Variants in PPP2R2B observed in about 807,000 individuals in gnomAD.
PPP2R2B encodes the protein serine/threonine-protein phosphatase 2A 55 kDa regulatory subunit B beta isoform.
A neutral mutation model predicts 46.0 loss-of-function variants in PPP2R2B; 5 were observed. The observed-to-expected ratio is 0.11, with a 90% CI of 0.06 to 0.23. The LOEUF is 0.23. PPP2R2B is among the 10% of genes least tolerant of loss of function. The pLI is 1.00. For synonymous variants in PPP2R2B, 215 were observed against 206.7 expected, an observed-to-expected ratio of 1.04 and a Z score of -0.34; for missense variants, 367 against 575.0, an observed-to-expected ratio of 0.64 and a Z score of 3.70.
At chr5:146,734,584 C>T (rs1294268977) in intron 2 of PPP2R2B, among the ~76,000 whole-genome samples, 3 of 152,110 alleles carry the variant, frequency 2.0e-5, no homozygotes, top group Non-Finnish European at 4.4e-5. Flanking sequence ...AGTTTTGGTA[C>T]CAGTATTACC....
intron 2 of PPP2R2B, among the ~76,000 whole-genome samples, chr5:146,728,125 A>G (rs1050499386): frequency 4.2e-5 from 6 of 144,328 alleles, no homozygotes; most frequent in Non-Finnish European, 9.0e-5. Context: ...TATGATGGCT[A>G]GGGAAACACT....
chr5:147,049,758 G>A (rs1580855996), intron 1 of PPP2R2B, among the ~76,000 whole-genome samples: 1 of 152,212 alleles, frequency 6.6e-6, no homozygotes, highest in African/African-American at 2.4e-5. Flanking sequence ...GCAGTGGGAA[G>A]AGGCCTGCAA....
Position 146,706,792 on chromosome 5 carries a change from C to T in PPP2R2B, c.71-5650G>A, listed in dbSNP as rs1352407087. 4.8e-6 allele frequency: 4 copies of T among 842,006 alleles called. No individual in the cohort carries two copies. The Admixed American group carries it at 5.1e-5, about 11-fold the overall frequency. The allele number at this position is 842,006 out of a possible 1,614,324, so 52.2% of individuals were successfully genotyped here. On this transcript the variant is annotated intron_variant, in intron 2 of 9. Coordinates refer to ENST00000394411, the MANE Select transcript of PPP2R2B (RefSeq NM_181675.4). Reference sequence around the variant, plus strand: ...TCTGATACATGCTCTCGGCCTCAGCCCGACTGCGGTTGGCGATCTCCTCGT... The same window carrying T: ...TCTGATACATGCTCTCGGCCTCAGCTCGACTGCGGTTGGCGATCTCCTCGT...
intron 7 of PPP2R2B, among the ~76,000 whole-genome samples, chr5:146,623,050 C>A (rs1331874729): frequency 6.6e-6 from 1 of 152,180 alleles, no homozygotes; most frequent in Non-Finnish European, 1.5e-5. Flanking sequence ...AATTTAGTAT[C>A]CATGAAATGT....
At chr5:146,688,236 C>T (rs1411787848) in intron 5 of PPP2R2B, among the ~76,000 whole-genome samples, 1 of 151,820 alleles carries the variant, frequency 6.6e-6, no homozygotes, top group Non-Finnish European at 1.5e-5. Context: ...GCAAATATAA[C>T]ATGTCCCTCC....
At chr5:146,671,509 T>C (rs1385592483) in intron 5 of PPP2R2B, among the ~76,000 whole-genome samples, 2 of 152,216 alleles carry the variant, frequency 1.3e-5, no homozygotes, top group African/African-American at 4.8e-5. Context: ...TCTTTTACAT[T>C]TGCTTCCTAT....
At chr5:147,035,158 A>G (rs1241882313) in intron 1 of PPP2R2B, 2 of 454,566 alleles carry the variant, frequency 4.4e-6, no homozygotes, top group Non-Finnish European at 8.8e-6. Flanking sequence ...AGAAAAGTTT[A>G]ATTGACTCAC....
intron 2 of PPP2R2B, among the ~76,000 whole-genome samples, chr5:146,753,680 T>C (rs1753685966): frequency 6.6e-6 from 1 of 152,134 alleles, no homozygotes; most frequent in Non-Finnish European, 1.5e-5. Flanking sequence ...CCCAGAGGAT[T>C]CGATGATTTT....
intron 1 of PPP2R2B, among the ~76,000 whole-genome samples, chr5:146,961,630 T>C: frequency 6.6e-6 from 1 of 152,166 alleles, no homozygotes; most frequent in East Asian, 1.9e-4. Context: ...TCCTCATATT[T>C]GTTTGGTGAT....
Position 146,700,925 on chromosome 5 carries a change from CA to C in PPP2R2B, c.168+119del, listed in dbSNP as rs1581908064. 3 of 879,650 alleles carry C rather than the reference CA, an allele frequency of 3.4e-6. No homozygotes were observed. In the East Asian group the frequency reaches 7.3e-5, roughly 21 times the overall value. The allele number at this position is 879,650 out of a possible 1,614,324, so 54.5% of individuals were successfully genotyped here. A position where few individuals can be genotyped will look rare whatever the true frequency, so the allele number is the denominator to read the frequency against. On this transcript the variant is annotated intron_variant, in intron 3 of 9. Transcript: ENST00000394411. ...CAGTTGATGTTAATGACTTTTTTGG[CA>C]GTTTTTAGTTTTCGAGCAAAGCAGC... is the stretch of plus-strand genomic sequence containing the variant.
At chr5:146,964,763 G>T (rs1752329249) in intron 1 of PPP2R2B, among the ~76,000 whole-genome samples, 1 of 152,054 alleles carries the variant, frequency 6.6e-6, no homozygotes, top group South Asian at 2.1e-4. Flanking sequence ...CTGACCTCGT[G>T]ATCCACCTGC....
intron 2 of PPP2R2B, among the ~76,000 whole-genome samples, chr5:146,787,103 A>C (rs1229162040): frequency 1.3e-5 from 2 of 152,234 alleles, no homozygotes; most frequent in Non-Finnish European, 2.9e-5. Context: ...GTCAAAAATC[A>C]AACACACACA....
chr5:146,621,162 G>A (rs1279853455), intron 7 of PPP2R2B, among the ~76,000 whole-genome samples: 2 of 152,346 alleles, frequency 1.3e-5, no homozygotes, highest in South Asian at 2.1e-4. Flanking sequence ...CATGGATCAG[G>A]CAGTCTGCCT....
intron 1 of PPP2R2B, among the ~76,000 whole-genome samples, chr5:147,007,143 T>C (rs1754476334): frequency 6.6e-6 from 1 of 152,148 alleles, no homozygotes; most frequent in Admixed American, 6.5e-5. Context: ...ACTGACCCGC[T>C]GGTCCTTTCA....
chr5:146,626,999 G>A (rs371406958), intron 7 of PPP2R2B, among the ~76,000 whole-genome samples: 9 of 152,090 alleles, frequency 5.9e-5, no homozygotes, highest in African/African-American at 1.4e-4. Flanking sequence ...ATTTTTATTC[G>A]ATGGCTTGGG....
chr5:146,795,126 G>A (rs1318308802), intron 2 of PPP2R2B, among the ~76,000 whole-genome samples: 3 of 151,984 alleles, frequency 2.0e-5, no homozygotes, highest in East Asian at 3.8e-4. Context: ...TATAAAATGG[G>A]GCTGGTGAAA....
chr5:147,011,351 T>C (rs563231495), intron 1 of PPP2R2B, among the ~76,000 whole-genome samples: 1 of 152,246 alleles, frequency 6.6e-6, no homozygotes, highest in South Asian at 2.1e-4. Context: ...TGCTTAACTT[T>C]TGTCTGTAAA....
At position 147,015,531 on chromosome 5, in the gene PPP2R2B, C is replaced by G. The variant is rs929663343; in HGVS notation, c.79+40134G>C. On this transcript the variant is annotated intron_variant, in intron 1 of 8. Transcript: ENST00000336640. Reference sequence around the variant, plus strand: ...ATCAAAAGCCATCTCCTTCATGGAGCCTTCTCTGATTCCTCCAGCAGGAAA... The same window carrying G: ...ATCAAAAGCCATCTCCTTCATGGAGGCTTCTCTGATTCCTCCAGCAGGAAA... Among the ~76,000 whole-genome samples the G allele has an allele frequency of 2.9e-4, 44 of 151,544 alleles. 1 individual carries two copies. Among genetic ancestry groups the G allele is most frequent in the Admixed American group, 1.3e-4 (2 of 15,122 alleles).
chr5:146,691,979 T>C (rs566562699), intron 4 of PPP2R2B, among the ~76,000 whole-genome samples: 19 of 152,314 alleles, frequency 1.2e-4, no homozygotes, highest in African/African-American at 4.6e-4. Context: ...CCATTCTCTA[T>C]CTCCTCTCTC....
Sources: gnomAD v4.1 joint callset for allele counts (sites outside exome capture counted in the v4.1 genomes callset) on GRCh38, gnomAD v4.1.1 for gene constraint, MANE v1.5 for transcripts, NCBI Gene and HGNC (gene_info 2026-07-23, HGNC 2026-07-21) for gene names.